The following SPI1 variants were observed in gnomAD, a reference collection of about 807,000 sequenced individuals.
SPI1 encodes the protein Spi-1 proto-oncogene.
SPI1 carries 3 observed loss-of-function variants against 30.7 expected under a neutral mutation model. The observed-to-expected ratio is 0.10, with a 90% CI of 0.04 to 0.25. The LOEUF is 0.25. SPI1 is among the 10% of genes least tolerant of loss of function. SPI1 has a pLI of 1.00. For synonymous variants in SPI1, 169 were observed against 157.1 expected (o/e 1.08, Z -0.56); for missense variants, 261 against 371.5 (o/e 0.70, Z 2.45).
Position 47,358,849 on chromosome 11 carries a change from TC to T in SPI1, c.487del (p.Glu163ArgfsTer23). ...TGGAGGGCCAGGTGCCCCACCTGTC[TC>T]CCCAGGCAGGAGCCCAGGCCCGGGC... Reference protein sequence around the residue: ...LEPGPGLLPGETGSKKKIRLY... With the variant: ...LEPGPGLLPGXTGSKKKIRLY... On this transcript the variant is annotated frameshift_variant, in exon 4 of 5. Coordinates refer to ENST00000378538, the MANE Select transcript of SPI1 (RefSeq NM_003120.3). LOFTEE classifies it high-confidence loss of function. The T allele has an allele frequency of 6.5e-7, 1 of 1,548,024 alleles. No homozygotes were observed. Among genetic ancestry groups the T allele is most frequent in the Non-Finnish European group, 8.7e-7 (1 of 1,145,072 alleles).
intron 2 of SPI1, among the ~76,000 whole-genome samples, chr11:47,372,207 C>T (rs1809068): frequency 1.9e-3 from 292 of 151,794 alleles, no homozygotes; most frequent in Non-Finnish European, 3.4e-3. Context: ...GGAGTTCAAG[C>T]GATTCTCCTG....
At position 47,374,747 on chromosome 11, in the gene SPI1, C is replaced by T. The variant is rs578163861; in HGVS notation, c.142+886G>A. ...CCAAGATCCACTTTGGGCAACCTCC[C>T]GCAGCCCCCTGCTCAGGTCCCAGGC... is the stretch of plus-strand genomic sequence containing the variant. On this transcript the variant is annotated intron_variant, in intron 2 of 4. Transcript: ENST00000378538. This position sits in a 1 kb window ranked among gnomAD's most constrained non-coding sequence, Gnocchi z 4.5. Among the ~76,000 whole-genome samples the T allele has an allele frequency of 6.6e-5, 10 of 152,346 alleles. No homozygotes were observed. The highest frequency in any genetic ancestry group is 2.1e-4 in the South Asian group (1 of 4,824).
At chr11:47,357,209 G>A (rs574892539) in intron 4 of SPI1, among the ~76,000 whole-genome samples, 1 of 142,968 alleles carries the variant, frequency 7.0e-6, no homozygotes, top group Non-Finnish European at 1.5e-5. Flanking sequence ...ACACATATCT[G>A]CACACACACA....
At chr11:47,356,015 C>A (rs2095908222) in intron 4 of SPI1, among the ~76,000 whole-genome samples, 1 of 151,500 alleles carries the variant, frequency 6.6e-6, no homozygotes, top group Admixed American at 6.6e-5. Context: ...TCTGATCACA[C>A]ACATGCTGTC....
At chr11:47,376,292 T>C (rs913433035) in intron 1 of SPI1, among the ~76,000 whole-genome samples, 7 of 151,490 alleles carry the variant, frequency 4.6e-5, no homozygotes, top group African/African-American at 9.7e-5. Context: ...GTTCCAGCCA[T>C]CAACACACAC....
Position 47,367,726 on chromosome 11 carries a change from A to G in SPI1, c.143-7686T>C, listed in dbSNP as rs572733250. Among the ~76,000 whole-genome samples, 29 of 147,134 alleles carry G rather than the reference A, an allele frequency of 2.0e-4. No homozygotes were observed. The East Asian group carries it at 2.9e-3, about 15-fold the overall frequency. The stretch of plus-strand genomic sequence containing the variant: ...GGAAATGTAAAATGATGCAGCCACT[A>G]TGGGAAATAGATGATGGTTAAATTT... On this transcript the variant is annotated intron_variant, in intron 2 of 4. Transcript: ENST00000378538.
At chr11:47,368,388 A>T (rs970551600) in intron 2 of SPI1, among the ~76,000 whole-genome samples, 1 of 152,170 alleles carries the variant, frequency 6.6e-6, no homozygotes, top group East Asian at 1.9e-4. Flanking sequence ...TAGAATTAGC[A>T]TATGATCTAG....
At position 47,358,887 on chromosome 11, in the gene SPI1, C is replaced by T. The variant is rs376473142; in HGVS notation, c.450G>A (p.Ala150=). 2.1e-5 allele frequency: 33 copies of T among 1,556,726 alleles called. No homozygotes were observed. Among genetic ancestry groups the T allele is most frequent in the Admixed American group, 3.9e-5 (2 of 51,166 alleles). The change falls in exon 4 of 5, where the codon GCG becomes GCA. Residue 150 remains alanine (A), a synonymous_variant. Transcript: ENST00000378538. ...SPPLEVSDGE[A]DGLEPGPGLL... is the part of the protein sequence containing the mutation. ...GCCCAGGCCCGGGCTCCAGGCCATCCGCCTCGCCGTCAGACACCTCCAGTG... is the reference window on the plus strand; with the variant it reads ...GCCCAGGCCCGGGCTCCAGGCCATCTGCCTCGCCGTCAGACACCTCCAGTG...
intron 4 of SPI1, among the ~76,000 whole-genome samples, chr11:47,357,104 TTCACACCCACTCACATGC>T (rs1371136194): frequency 2.1e-5 from 3 of 145,914 alleles, no homozygotes; most frequent in African/African-American, 7.7e-5. Flanking sequence ...ACCTCACACA[TTCACACCCACTCACATGC>T]TCACACCTCA....
At chr11:47,372,556 C>T (rs1203252596) in intron 2 of SPI1, among the ~76,000 whole-genome samples, 1 of 151,988 alleles carries the variant, frequency 6.6e-6, no homozygotes, top group African/African-American at 2.4e-5. Flanking sequence ...AGATGGGAAG[C>T]GGCTGGCAGG....
At position 47,359,623 on chromosome 11, in the gene SPI1, C is replaced by A. The variant is rs534073599; in HGVS notation, c.330+230G>T. On this transcript the variant is annotated intron_variant, in intron 3 of 4. Transcript: ENST00000378538. The surrounding 1 kb of genome is among the most constrained non-coding windows in gnomAD (Gnocchi z 5.1). ...GGGATGGGGAGGCTTGGTGAGGGTG[C>A]GAGAATTATCTGGGGTCTGTCCATA... is the stretch of plus-strand genomic sequence containing the variant. Among the ~76,000 whole-genome samples the A allele has an allele frequency of 1.3e-5, 2 of 149,926 alleles. No individual in the cohort carries two copies. The highest frequency in any genetic ancestry group is 4.9e-5 in the African/African-American group (2 of 40,414).
At chr11:47,366,672 T>A (rs569661267) in intron 2 of SPI1, among the ~76,000 whole-genome samples, 235 of 151,940 alleles carry the variant, frequency 1.5e-3, no homozygotes, top group South Asian at 3.7e-3. Flanking sequence ...AGAAAAAAAA[T>A]TAGCTGGGCG....
Position 47,359,531 on chromosome 11 carries a change from G to A in SPI1, c.330+322C>T, listed in dbSNP as rs1272483444. 1.3e-5 allele frequency among the ~76,000 whole-genome samples: 2 copies of A among 152,112 alleles called. No homozygotes were observed. The highest frequency in any genetic ancestry group is 2.9e-5 in the Non-Finnish European group (2 of 68,004). ...AGAGGTGTTCAGTGACTTGGTGTGGGATCCATGAGGGCTAGTGAATGGGGG... is the reference window on the plus strand; with the variant it reads ...AGAGGTGTTCAGTGACTTGGTGTGGAATCCATGAGGGCTAGTGAATGGGGG... On this transcript the variant is annotated intron_variant, in intron 3 of 4. Transcript: ENST00000378538. The surrounding 1 kb of genome is among the most constrained non-coding windows in gnomAD (Gnocchi z 5.1).
At chr11:47,373,335 G>A (rs1224495742) in intron 2 of SPI1, among the ~76,000 whole-genome samples, 2 of 150,646 alleles carry the variant, frequency 1.3e-5, no homozygotes, top group Non-Finnish European at 2.9e-5. Context: ...CCGGGCGACA[G>A]TACGAGACTC....
At chr11:47,371,232 C>T (rs372258338) in intron 2 of SPI1, among the ~76,000 whole-genome samples, 3 of 149,132 alleles carry the variant, frequency 2.0e-5, no homozygotes, top group African/African-American at 7.4e-5. Flanking sequence ...TGGTGGCACT[C>T]GCTTGTAGTT....
intron 4 of SPI1, among the ~76,000 whole-genome samples, 191 bp from the exon 5 acceptor site, chr11:47,355,737 CAG>C (rs1336189132): frequency 5.4e-5 from 8 of 148,354 alleles, no homozygotes; most frequent in African/African-American, 1.7e-4. Flanking sequence ...TGCGCACACA[CAG>C]GCGTTCACAC....
At position 47,378,466 on chromosome 11, in the gene SPI1, T is replaced by C; in HGVS notation, c.-113A>G. On this transcript the variant is annotated 5_prime_UTR_variant, in exon 1 of 5. Transcript: ENST00000378538. ...GACGGTCGTGGGGCGGGTGCAGGGC[T>C]CAGGCCTGCCCCCTGAGCTACAGGA... 1 of 1,179,760 alleles carries C rather than the reference T, an allele frequency of 8.5e-7. No homozygotes were observed. The highest frequency in any genetic ancestry group is 1.3e-5 in the South Asian group (1 of 76,466). 73.1% of individuals were successfully genotyped at this position (1,179,760 alleles called of 1,614,324 possible). A position where few individuals can be genotyped will look rare whatever the true frequency, so the allele number is the denominator to read the frequency against.
At chr11:47,357,205 A>G (rs1006279786) in intron 4 of SPI1, among the ~76,000 whole-genome samples, 4 of 143,368 alleles carry the variant, frequency 2.8e-5, no homozygotes, top group Non-Finnish European at 4.5e-5. Flanking sequence ...GCCCACACAT[A>G]TCTGCACACA....
chr11:47,360,151 G>A (rs1316272957), intron 2 of SPI1, 111 bp from the exon 3 acceptor site: 50 of 968,356 alleles, frequency 5.2e-5, no homozygotes, highest in Non-Finnish European at 6.2e-5. Flanking sequence ...TAACCATCTC[G>A]TTTAACCCTC....
Sources: gnomAD v4.1 joint callset for allele counts (sites outside exome capture counted in the v4.1 genomes callset) on GRCh38, gnomAD v4.1.1 for gene constraint, Gnocchi (gnomAD v3.1) non-coding constraint, MANE v1.5 for transcripts, NCBI Gene and HGNC (gene_info 2026-07-23, HGNC 2026-07-21) for gene names.